The following TACC3 variants were observed in gnomAD, a reference collection of about 807,000 sequenced individuals.
TACC3 encodes the protein transforming acidic coiled-coil-containing protein 3.
Under a neutral mutation model 86.0 loss-of-function variants are expected in TACC3, and 52 were observed. The observed-to-expected ratio is 0.60, with a 90% CI of 0.48 to 0.76. The LOEUF (loss-of-function observed/expected upper bound fraction) is 0.76. TACC3 is among the 30% of genes least tolerant of loss of function. The pLI, the probability that TACC3 is intolerant of heterozygous loss-of-function variation, is 0.00. For missense variants in TACC3, 1,120 were observed against 1,070.4 expected (o/e 1.05, Z -0.65); for synonymous variants, 512 against 430.0 (o/e 1.19, Z -2.36).
At chr4:1,730,770 T>G (rs1717965377) in intron 4 of TACC3, 117 bp from the exon 5 acceptor site, 8 of 1,182,378 alleles carry the variant, frequency 6.8e-6, no homozygotes, top group African/African-American at 1.5e-5. Context: ...TCTAGCTGAA[T>G]GTTCACGTGG....
intron 3 of TACC3, among the ~76,000 whole-genome samples, chr4:1,725,432 C>T (rs185879344): frequency 1.3e-5 from 2 of 152,216 alleles, no homozygotes; most frequent in Admixed American, 6.5e-5. Flanking sequence ...CTGCTTGCTA[C>T]TTTTCAACTT....
At chr4:1,731,066 C>A (rs1169153820) in intron 5 of TACC3, 104 bp downstream of exon 5, 1 of 1,593,626 alleles carries the variant, frequency 6.3e-7, no homozygotes, top group African/African-American at 1.3e-5. Flanking sequence ...GTGGGATGTC[C>A]CGCTCCCTCT....
chr4:1,723,217 T>G, intron 1 of TACC3: 2 of 606,264 alleles, frequency 3.3e-6, no homozygotes, highest in East Asian at 5.7e-5. Context: ...CCTGCCAGGC[T>G]GGAGAGTGAG....
chr4:1,725,618 A>T (rs1577207134), intron 3 of TACC3, among the ~76,000 whole-genome samples: 1 of 152,216 alleles, frequency 6.6e-6, no homozygotes, highest in Admixed American at 6.5e-5. Context: ...TGCCTCCAGG[A>T]TCACCCAGCA....
rs377708575 is a variant in TACC3 at position 1,728,114 on chromosome 4, C to A, written c.712C>A (p.His238Asn). ...TPHGAEEECR[H>N]GGVCAPAAVA... ...GCACGGAGCCGAGGAGGAATGCCGG[C>A]ACGGTGGGGTCTGTGCTCCCGCAGC... The change falls in exon 4 of 16, where the codon CAC becomes AAC. Residue 238 changes from histidine to asparagine, a missense_variant. Transcript: ENST00000313288. The A allele has an allele frequency of 1.2e-6, 2 of 1,612,264 alleles. No individual in the cohort carries two copies. Among genetic ancestry groups the A allele is most frequent in the African/African-American group, 2.7e-5 (2 of 74,920 alleles).
Position 1,728,785 on chromosome 4 carries a change from C to T in TACC3, c.1383C>T (p.Ser461=), listed in dbSNP as rs1717853907. 6.2e-7 allele frequency: 1 copy of T among 1,601,234 alleles called. No homozygotes were observed. Among genetic ancestry groups the T allele is most frequent in the African/African-American group, 1.3e-5 (1 of 74,578 alleles). Residue 461 remains serine, a splice_region_variant and synonymous_variant, in exon 4 of 16, where the codon AGC becomes AGT. Coordinates refer to ENST00000313288, the MANE Select transcript of TACC3 (RefSeq NM_006342.3). ...PATEEPGPCL[S]QQLHSASAED... is the part of the protein sequence containing the mutation. ...CGGAGGAGCCAGGTCCCTGTCTGAG[C>T]CAGTAAGTGTGAGGATGGGATGGGG...
At chr4:1,740,719 CCT>C (rs1718552103) in intron 12 of TACC3, 105 bp from the exon 13 acceptor site, 6 of 1,002,944 alleles carry the variant, frequency 6.0e-6, no homozygotes, top group South Asian at 1.6e-5. Context: ...CCACTGCCCA[CCT>C]CTCCTCCTGG....
chr4:1,729,507 G>A (rs747873447), intron 4 of TACC3, among the ~76,000 whole-genome samples: 2 of 152,176 alleles, frequency 1.3e-5, no homozygotes, highest in Non-Finnish European at 2.9e-5. Context: ...GTCAGGTCAC[G>A]CAAGTCACGT....
Position 1,728,618 on chromosome 4 carries a change from G to T in TACC3, c.1216G>T (p.Asp406Tyr). 6.2e-7 allele frequency: 1 copy of T among 1,613,926 alleles called. No individual in the cohort carries two copies. The highest frequency in any genetic ancestry group is 1.7e-4 in the Middle Eastern group (1 of 6,060). ...MPASRGSYHLDWDKMDDPNFI... is the reference protein window; with the variant it reads ...MPASRGSYHLYWDKMDDPNFI... Reference sequence around the variant, plus strand: ...AGCTTCTCGGGGCTCTTACCACCTCGACTGGGACAAAATGGATGACCCAAA... The same window carrying T: ...AGCTTCTCGGGGCTCTTACCACCTCTACTGGGACAAAATGGATGACCCAAA... The change falls in exon 4 of 16, where the codon GAC (aspartate) becomes TAC (tyrosine). Residue 406 changes from aspartate (D) to tyrosine (Y), a missense_variant. Coordinates refer to ENST00000313288, the MANE Select transcript of TACC3 (RefSeq NM_006342.3).
At chr4:1,730,430 C>G (rs1343707192) in intron 4 of TACC3, 1 of 281,082 alleles carries the variant, frequency 3.6e-6, no homozygotes, top group Non-Finnish European at 7.2e-6. Context: ...CATATATAAT[C>G]ATATCTATAA....
intron 10 of TACC3, chr4:1,737,948 G>A (rs777639735): frequency 2.9e-5 from 18 of 619,974 alleles, no homozygotes; most frequent in East Asian, 1.9e-4. Context: ...GGGACTCTCC[G>A]GCCTGGGCAT....
At position 1,744,814 on chromosome 4, in the gene TACC3, G is replaced by GA. The variant is rs777230647; in HGVS notation, c.2435dup (p.Thr813AspfsTer7). The GA allele has an allele frequency of 1.9e-6, 3 of 1,612,960 alleles. No homozygotes were observed. In the South Asian group the frequency reaches 3.3e-5, roughly 18 times the overall value. On this transcript the variant is annotated frameshift_variant, in exon 15 of 16. Transcript: ENST00000313288. LOFTEE classifies it high-confidence loss of function. ...AGCAGATGCGCATCCAGTCGCTGGA[G>GA]AAGACAGTGGAGCAGAAGGTGGGTG...
At chr4:1,742,782 G>C (rs1718654569) in intron 13 of TACC3, among the ~76,000 whole-genome samples, 2 of 148,052 alleles carry the variant, frequency 1.4e-5, no homozygotes, top group South Asian at 4.3e-4. Context: ...CTGGGCGACA[G>C]AGTGAGACTC....
chr4:1,734,369 G>T (rs765540319), intron 6 of TACC3, among the ~76,000 whole-genome samples: 38 of 152,186 alleles, frequency 2.5e-4, no homozygotes, highest in African/African-American at 8.4e-4. Flanking sequence ...TGCATTTTTC[G>T]TAGAGACAGG....
rs548830101 is a variant in TACC3 at position 1,744,965 on chromosome 4, G to A, written c.2469G>A (p.Glu823=). The A allele has an allele frequency of 3.7e-6, 6 of 1,611,900 alleles. No homozygotes were observed. The highest frequency in any genetic ancestry group is 5.1e-6 in the Non-Finnish European group (6 of 1,179,504). ...TVEQKTKENE[E]LTRICDDLIS... ...TCCTCCAGACTAAAGAGAACGAGGA[G>A]CTGACCAGGATCTGCGACGACCTCA... is the stretch of plus-strand genomic sequence containing the variant. Residue 823 remains glutamate (E), a synonymous_variant, in exon 16 of 16, where the codon GAG becomes GAA. Coordinates refer to ENST00000313288, the MANE Select transcript of TACC3 (RefSeq NM_006342.3).
Position 1,723,741 on chromosome 4 carries a change from C to T in TACC3, c.176C>T (p.Thr59Ile). Reference protein sequence around the residue: ...LAKAMKVTFQTPLRDPQTHRI... With the variant: ...LAKAMKVTFQIPLRDPQTHRI... ...ACTCCGCAACAGGTGACTTTTCAGA[C>T]ACCTCTGCGGGATCCACAGACGCAC... The change falls in exon 3 of 16, where the codon ACA becomes ATA. Residue 59 changes from threonine to isoleucine, a missense_variant. By Grantham distance (89) the Thr-to-Ile change is moderately conservative (BLOSUM62 -1). Transcript: ENST00000313288. 6.2e-7 allele frequency: 1 copy of T among 1,613,758 alleles called. No individual in the cohort carries two copies. Among genetic ancestry groups the T allele is most frequent in the Non-Finnish European group, 8.5e-7 (1 of 1,180,008 alleles).
At chr4:1,742,906 G>T (rs1350413004) in intron 13 of TACC3, among the ~76,000 whole-genome samples, 1 of 152,180 alleles carries the variant, frequency 6.6e-6, no homozygotes, top group Admixed American at 6.5e-5. Flanking sequence ...GACAGAGGTT[G>T]CAGTGAGCCG....
chr4:1,731,711 A>G (rs555144987), intron 6 of TACC3, among the ~76,000 whole-genome samples: 5 of 152,090 alleles, frequency 3.3e-5, no homozygotes, highest in African/African-American at 4.8e-5. Flanking sequence ...TCTGGGTTCA[A>G]TGCAACCTCC....
At position 1,735,645 on chromosome 4, in the gene TACC3, G is replaced by C. The variant is rs536889234; in HGVS notation, c.1645-86G>C. ...AGTGTGCGGGTGACCGGGGGTGGGA[G>C]TGTGCAGGTGACCTCCCTGGCCCTT... On this transcript the variant is annotated intron_variant, in intron 7 of 15. Coordinates refer to ENST00000313288, the MANE Select transcript of TACC3 (RefSeq NM_006342.3). This position sits in a 1 kb window ranked among gnomAD's most constrained non-coding sequence, Gnocchi z 4.2. 3 of 1,059,760 alleles carry C rather than the reference G, an allele frequency of 2.8e-6. No individual in the cohort carries two copies. The African/African-American group carries it at 5.0e-5, about 18-fold the overall frequency. 65.6% of individuals were successfully genotyped at this position (1,059,760 alleles called of 1,614,324 possible).
Sources: allele counts gnomAD v4.1 joint callset (sites outside exome capture counted in the v4.1 genomes callset), GRCh38; gene constraint gnomAD v4.1.1; non-coding constraint Gnocchi (gnomAD v3.1); transcripts MANE v1.5; gene names NCBI Gene and HGNC (gene_info 2026-07-23, HGNC 2026-07-21).